Variants in DPH6 observed in about 807,000 individuals in gnomAD.
DPH6 encodes the protein diphthamine biosynthesis 6, also known as diphthine--ammonia ligase.
DPH6 carries 33 observed loss-of-function variants against 38.2 expected under a neutral mutation model. That is an observed-to-expected ratio of 0.86 (90% CI 0.65 to 1.15). The LOEUF (loss-of-function observed/expected upper bound fraction) is 1.15. Ranked by LOEUF, DPH6 falls within the 50% of genes most tolerant of loss-of-function variation. The pLI, the probability that DPH6 is intolerant of heterozygous loss-of-function variation, is 0.00. For missense variants in DPH6, 325 were observed against 320.0 expected (o/e 1.02, Z -0.12); for synonymous variants, 108 against 103.0 (o/e 1.05, Z -0.30).
rs1432585994 is a variant in DPH6 at position 35,243,083 on chromosome 15, A to T, written n.201-22501T>A. ...GATGTCCTAGGTCCTCCCAATTCTT[A>T]GTCCTTTTATACCTGTTTTTCTCCT... is the stretch of plus-strand genomic sequence containing the variant. On this transcript the variant is annotated intron_variant and non_coding_transcript_variant, in intron 3 of 3. Coordinates refer to the DPH6 transcript ENST00000560386. 2.8e-5 allele frequency among the ~76,000 whole-genome samples: 4 copies of T among 142,364 alleles called. 1 individual carries two copies. Among genetic ancestry groups the T allele is most frequent in the Admixed American group, 1.5e-4 (2 of 13,046 alleles). The allele number at this position is 142,364 out of a possible 152,430, so 93.4% of individuals were successfully genotyped here.
At chr15:35,245,991 A>C (rs1167676886) in intron 3 of DPH6, among the ~76,000 whole-genome samples, 1 of 152,208 alleles carries the variant, frequency 6.6e-6, no homozygotes, top group African/African-American at 2.4e-5. Context: ...TCCTGCCTTA[A>C]CTGATGACAT....
chr15:35,174,602 G>T, the DPH6 span, among the ~76,000 whole-genome samples: 1 of 152,152 alleles, frequency 6.6e-6, no homozygotes, highest in Non-Finnish European at 1.5e-5. Context: ...TGTTTTTCTT[G>T]CAAACCTAAC....
chr15:35,236,796 G>A (rs1321269388), intron 3 of DPH6, among the ~76,000 whole-genome samples: 2 of 152,088 alleles, frequency 1.3e-5, no homozygotes, highest in Non-Finnish European at 2.9e-5. Flanking sequence ...ATCATCACCA[G>A]TAAGAATAAT....
the DPH6 span, among the ~76,000 whole-genome samples, chr15:35,160,882 T>C: frequency 6.6e-6 from 1 of 151,794 alleles, no homozygotes; most frequent in Non-Finnish European, 1.5e-5. Flanking sequence ...CAGCAAACTA[T>C]TGCAAGGACA....
At chr15:35,362,893 C>A (rs1022561348) in intron 3 of DPH6, among the ~76,000 whole-genome samples, 3 of 152,118 alleles carry the variant, frequency 2.0e-5, no homozygotes, top group Non-Finnish European at 1.5e-5. Context: ...ATACTGTTGT[C>A]CCCATGGGGA....
In DPH6 at chr15:35,477,355, T is replaced by G. The variant is rs113044520; in HGVS notation, c.313-22535A>C. Among the ~76,000 whole-genome samples the G allele has an allele frequency of 2.8e-3, 432 of 151,930 alleles. 2 individuals are homozygous for G. Among genetic ancestry groups the G allele is most frequent in the African/African-American group, 0.01 (420 of 41,524 alleles). Reference sequence around the variant, plus strand: ...ATTAACTTGGAGTTGTTGCACTTTGTTATACAACACGAAATATTTTTTGAA... The same window carrying G: ...ATTAACTTGGAGTTGTTGCACTTTGGTATACAACACGAAATATTTTTTGAA... On this transcript the variant is annotated intron_variant, in intron 3 of 8. Coordinates refer to ENST00000256538, the MANE Select transcript of DPH6 (RefSeq NM_080650.4).
At chr15:35,429,387 C>T (rs910630947) in intron 5 of DPH6, among the ~76,000 whole-genome samples, 2 of 152,036 alleles carry the variant, frequency 1.3e-5, no homozygotes, top group Admixed American at 1.3e-4. Flanking sequence ...GTCCCTAATT[C>T]CAATCATTTA....
chr15:35,399,855 C>A (rs922628022), intron 6 of DPH6, among the ~76,000 whole-genome samples: 1 of 152,168 alleles, frequency 6.6e-6, no homozygotes, highest in African/African-American at 2.4e-5. Flanking sequence ...CAAAAATTTA[C>A]GCCCATGGGT....
chr15:35,521,980 A>G, intron 3 of DPH6: 5 of 1,462,746 alleles, frequency 3.4e-6, no homozygotes, highest in Non-Finnish European at 4.5e-6. Flanking sequence ...TACTAAACTA[A>G]GCCGTCAACT....
chr15:35,527,198 A>G (rs1182422023), intron 3 of DPH6, among the ~76,000 whole-genome samples: 2 of 152,182 alleles, frequency 1.3e-5, no homozygotes, highest in Non-Finnish European at 2.9e-5. Flanking sequence ...ATGAAAAAAA[A>G]TGACTTTACT....
intron 6 of DPH6, among the ~76,000 whole-genome samples, chr15:35,397,872 C>T (rs12909289): frequency 0.093 from 4,759 of 51,328 alleles, 137 homozygotes; most frequent in East Asian, 0.3. Context: ...TATATATACA[C>T]ACACACACAC....
chr15:35,339,568 GC>G (rs2052404432), intron 3 of DPH6, among the ~76,000 whole-genome samples: 1 of 151,988 alleles, frequency 6.6e-6, no homozygotes, highest in Non-Finnish European at 1.5e-5. Context: ...CAGGTCATCT[GC>G]CTGCCTTGAC....
intron 3 of DPH6, among the ~76,000 whole-genome samples, chr15:35,302,514 G>GTATA (rs2052061212): frequency 6.6e-6 from 1 of 152,174 alleles, no homozygotes; most frequent in Non-Finnish European, 1.5e-5. Context: ...AGTATAGGCA[G>GTATA]TGTTTATGAA....
At chr15:35,351,984 T>C (rs1206767685) in intron 3 of DPH6, among the ~76,000 whole-genome samples, 2 of 152,160 alleles carry the variant, frequency 1.3e-5, no homozygotes, top group Non-Finnish European at 2.9e-5. Context: ...CCTCCCAAAG[T>C]GCTGGCATTA....
chr15:35,221,840 A>G (rs2051445262), intron 3 of DPH6, among the ~76,000 whole-genome samples: 1 of 152,200 alleles, frequency 6.6e-6, no homozygotes, highest in Admixed American at 6.5e-5. Flanking sequence ...CCATCTTTAA[A>G]TCACTTCTCT....
chr15:35,515,491 G>A (rs754995810), intron 3 of DPH6, among the ~76,000 whole-genome samples: 21 of 152,010 alleles, frequency 1.4e-4, no homozygotes, highest in Non-Finnish European at 1.3e-4. Flanking sequence ...GGAGGCCGAG[G>A]TGGGTGGATC....
intron 5 of DPH6, among the ~76,000 whole-genome samples, chr15:35,425,808 G>A (rs1452223076): frequency 1.7e-5 from 2 of 117,924 alleles, no homozygotes; most frequent in Non-Finnish European, 3.4e-5. Flanking sequence ...TATATGACAT[G>A]ACATATATAT....
Position 35,289,628 on chromosome 15 carries a change from A to G in DPH6, n.201-69046T>C, listed in dbSNP as rs541438476. On this transcript the variant is annotated intron_variant and non_coding_transcript_variant, in intron 3 of 3. Transcript: ENST00000560386. The stretch of plus-strand genomic sequence containing the variant: ...ATGAGGCAAATTTTAAATCTCAGAG[A>G]CATTTTCAGAAAAAGAGGTAAATAT... Among the ~76,000 whole-genome samples the G allele has an allele frequency of 6.6e-5, 10 of 152,350 alleles. No homozygotes were observed. The South Asian group carries it at 2.1e-3, about 32-fold the overall frequency.
At chr15:35,167,614 C>T in the DPH6 span, among the ~76,000 whole-genome samples, 12 of 149,390 alleles carry the variant, frequency 8.0e-5, no homozygotes, top group African/African-American at 4.9e-5. Context: ...TACCTGACCA[C>T]CTGCTTCAAT....
Sources: allele counts gnomAD v4.1 joint callset (sites outside exome capture counted in the v4.1 genomes callset), GRCh38; gene constraint gnomAD v4.1.1; transcripts MANE v1.5; gene names NCBI Gene and HGNC (gene_info 2026-07-23, HGNC 2026-07-21).